The following SEMA3D variants were observed in gnomAD, a reference collection of about 807,000 sequenced individuals.
SEMA3D encodes the protein semaphorin 3D.
In SEMA3D, 84 loss-of-function variants were observed where a neutral mutation model predicts 100.1. The observed-to-expected ratio is 0.84, with a 90% CI of 0.70 to 1.01. The LOEUF (loss-of-function observed/expected upper bound fraction) is 1.01, where lower values mean the gene tolerates loss of function less well. Ranked by LOEUF, SEMA3D falls within the 50% of genes least tolerant of loss-of-function variation. SEMA3D has a pLI of 0.00. For synonymous variants in SEMA3D, 312 were observed against 320.7 expected (o/e 0.97, Z 0.29); for missense variants, 875 against 934.1 (o/e 0.94, Z 0.82).
At chr7:85,137,060 C>T (rs1026840591) in intron 2 of SEMA3D, among the ~76,000 whole-genome samples, 3 of 151,984 alleles carry the variant, frequency 2.0e-5, no homozygotes, top group Non-Finnish European at 4.4e-5. Context: ...TAACAACATA[C>T]ATAGACTTTT....
chr7:85,168,820 T>TGAAA (rs59563448), intron 1 of SEMA3D, among the ~76,000 whole-genome samples: 6,747 of 120,694 alleles, frequency 0.056, 230 homozygotes, highest in Non-Finnish European at 0.067. Context: ...GAAAGAAAGA[T>TGAAA]GAAAGAAAGA....
At chr7:85,212,317 T>G in the SEMA3D span, among the ~76,000 whole-genome samples, 2 of 152,172 alleles carry the variant, frequency 1.3e-5, no homozygotes, top group Non-Finnish European at 2.9e-5. Flanking sequence ...TTTCCTAGAT[T>G]TTGTTACCTG....
chr7:85,021,531 A>G (rs1196955044), intron 13 of SEMA3D, among the ~76,000 whole-genome samples: 3 of 151,838 alleles, frequency 2.0e-5, no homozygotes, highest in Admixed American at 2.0e-4. Context: ...TCACACACAT[A>G]CTTCCTAATA....
At chr7:85,138,702 T>C (rs926064821) in intron 2 of SEMA3D, among the ~76,000 whole-genome samples, 34 of 150,122 alleles carry the variant, frequency 2.3e-4, no homozygotes, top group African/African-American at 6.1e-4. Flanking sequence ...CTAGGATACT[T>C]GTGCAGAATG....
intron 2 of SEMA3D, among the ~76,000 whole-genome samples, chr7:85,151,115 CA>C (rs1790369975): frequency 1.3e-5 from 2 of 151,770 alleles, no homozygotes; most frequent in African/African-American, 2.4e-5. Flanking sequence ...CACACACACA[CA>C]CCGCACATAT....
chr7:85,219,454 C>CT, the SEMA3D span, among the ~76,000 whole-genome samples: 5 of 151,628 alleles, frequency 3.3e-5, no homozygotes, highest in African/African-American at 9.7e-5. Context: ...AAATGAAAGA[C>CT]ATTTTTTTTA....
chr7:85,141,172 T>C (rs1790040374), intron 2 of SEMA3D: 1 of 984,438 alleles, frequency 1.0e-6, no homozygotes, highest in Non-Finnish European at 1.2e-6. Flanking sequence ...TTATAACTAG[T>C]TGCAGCACTA....
intron 12 of SEMA3D, among the ~76,000 whole-genome samples, chr7:85,024,234 A>G (rs1387126696): frequency 1.3e-5 from 2 of 151,940 alleles, no homozygotes; most frequent in African/African-American, 2.4e-5. Context: ...GTCAAAGACA[A>G]TTCATAGTAG....
intron 12 of SEMA3D, among the ~76,000 whole-genome samples, chr7:85,027,519 T>C (rs780600429): frequency 7.2e-5 from 11 of 152,012 alleles, no homozygotes; most frequent in African/African-American, 9.7e-5. Flanking sequence ...ACATTGGTGG[T>C]AGTTGAAAAT....
the SEMA3D span, among the ~76,000 whole-genome samples, chr7:85,247,840 C>T: frequency 6.6e-6 from 1 of 152,020 alleles, no homozygotes; most frequent in African/African-American, 2.4e-5. Context: ...AGCTGGATAT[C>T]TGGAAACAAG....
intron 12 of SEMA3D, among the ~76,000 whole-genome samples, chr7:85,027,150 C>A (rs149693677): frequency 6.6e-6 from 1 of 151,936 alleles, no homozygotes; most frequent in Non-Finnish European, 1.5e-5. Flanking sequence ...TTTCTACAAC[C>A]GAACGGTATG....
chr7:84,997,420 A>C lies in SEMA3D; in HGVS notation c.*2020T>G, dbSNP rs1789533010. ...TACAAACACTGTTGTTACGCTATTCAATTAGAAGTCTGATCATGCCACACT... is the reference window on the plus strand; with the variant it reads ...TACAAACACTGTTGTTACGCTATTCCATTAGAAGTCTGATCATGCCACACT... On this transcript the variant is annotated 3_prime_UTR_variant, in exon 19 of 19. Coordinates refer to ENST00000284136, the MANE Select transcript of SEMA3D (RefSeq NM_001384900.1). 6.6e-6 allele frequency: 1 copy of C among 152,040 alleles called. No individual in the cohort carries two copies. Among genetic ancestry groups the C allele is most frequent in the East Asian group, 1.9e-4 (1 of 5,198 alleles). 9.4% of individuals were successfully genotyped at this position (152,040 alleles called of 1,614,324 possible). A position where few individuals can be genotyped will look rare whatever the true frequency, so the allele number is the denominator to read the frequency against.
At chr7:85,226,226 CTTTT>C in the SEMA3D span, among the ~76,000 whole-genome samples, 8 of 152,042 alleles carry the variant, frequency 5.3e-5, no homozygotes, top group Non-Finnish European at 1.0e-4. Flanking sequence ...AAAAAAAACT[CTTTT>C]TTTCTTTTGC....
intron 5 of SEMA3D, among the ~76,000 whole-genome samples, chr7:85,077,082 G>A (rs1001695292): frequency 3.5e-4 from 52 of 148,538 alleles, no homozygotes; most frequent in Non-Finnish European, 5.3e-4. Context: ...CTCCAGCCTG[G>A]GCAACAGAGT....
chr7:85,063,339 C>A (rs1791527848), intron 8 of SEMA3D, among the ~76,000 whole-genome samples: 2 of 152,128 alleles, frequency 1.3e-5, no homozygotes, highest in African/African-American at 4.8e-5. Context: ...ATCACCCTGG[C>A]TTTTAACTGC....
At chr7:85,117,560 C>T (rs931924467) in intron 3 of SEMA3D, among the ~76,000 whole-genome samples, 3 of 152,062 alleles carry the variant, frequency 2.0e-5, no homozygotes, top group Non-Finnish European at 2.9e-5. Flanking sequence ...AGGCAGATTG[C>T]CTGAGCCCAG....
At chr7:85,029,613 G>A (rs914376824) in intron 12 of SEMA3D, 13 of 454,056 alleles carry the variant, frequency 2.9e-5, no homozygotes, top group Non-Finnish European at 4.6e-5. Flanking sequence ...CATGCTAGGA[G>A]GAATGCCAGG....
At chr7:85,152,194 C>T (rs974717124) in intron 2 of SEMA3D, among the ~76,000 whole-genome samples, 5 of 151,960 alleles carry the variant, frequency 3.3e-5, no homozygotes, top group African/African-American at 9.6e-5. Flanking sequence ...ATTTCAAGTA[C>T]CTGTTAAACA....
intron 5 of SEMA3D, among the ~76,000 whole-genome samples, chr7:85,076,046 G>T (rs1002757209): frequency 6.6e-6 from 1 of 152,202 alleles, no homozygotes; most frequent in Admixed American, 6.5e-5. Flanking sequence ...CACGAAGAAA[G>T]ATAACTTTGA....
Sources: allele counts gnomAD v4.1 joint callset (sites outside exome capture counted in the v4.1 genomes callset), GRCh38; gene constraint gnomAD v4.1.1; transcripts MANE v1.5; gene names NCBI Gene and HGNC (gene_info 2026-07-23, HGNC 2026-07-21).